ANKRD26: variants seen among roughly 807,000 people sequenced by gnomAD.
ANKRD26 encodes ankyrin repeat domain 26.
In ANKRD26, 141 loss-of-function variants were observed where a neutral mutation model predicts 208.7. The ratio of observed to expected loss-of-function variants is 0.68; its 90% confidence interval spans 0.59 to 0.78. The LOEUF is 0.78. Ranked by LOEUF, ANKRD26 falls within the 30% of genes least tolerant of loss-of-function variation. The pLI is 0.00. For missense variants in ANKRD26, 1,889 were observed against 1,938.7 expected (o/e 0.97, Z 0.48); for synonymous variants, 636 against 660.4 (o/e 0.96, Z 0.57).
chr10:27,078,129 T>C (rs2055766318), intron 7 of ANKRD26, among the ~76,000 whole-genome samples: 1 of 152,214 alleles, frequency 6.6e-6, no homozygotes, highest in Admixed American at 6.5e-5. Context: ...TGTGAGCATT[T>C]TGTTCTTAGT....
chr10:27,093,702 T>A lies in ANKRD26; in HGVS notation c.340A>T (p.Arg114Trp), dbSNP rs762754151. The A allele has an allele frequency of 1.2e-6, 2 of 1,614,168 alleles. No homozygotes were observed. The highest frequency in any genetic ancestry group is 1.7e-6 in the Non-Finnish European group (2 of 1,179,958). Residue 114 changes from arginine (R) to tryptophan (W), a missense_variant, in exon 2 of 34, where the codon AGG (arginine) becomes TGG (tryptophan). Coordinates refer to ENST00000376087, the MANE Select transcript of ANKRD26 (RefSeq NM_014915.3). ...CTATATACCTTCATCAGAGCTGTCC[T>A]GTTTTCGTTGTCACAGACATTGAGC... ...CQLNVCDNEN[R>W]TALMKAVQCQ...
chr10:26,955,432 A>ATAT, the ANKRD26 span, among the ~76,000 whole-genome samples: 3 of 151,986 alleles, frequency 2.0e-5, no homozygotes, highest in African/African-American at 7.3e-5. Flanking sequence ...CCATCTCAAA[A>ATAT]AAAAAAATAT....
In ANKRD26 at chr10:27,063,971, T is replaced by G; in HGVS notation, c.1363+17A>C. 2 of 1,582,538 alleles carry G rather than the reference T, an allele frequency of 1.3e-6. No individual in the cohort carries two copies. The highest frequency in any genetic ancestry group is 1.7e-6 in the Non-Finnish European group (2 of 1,155,424). Reference sequence around the variant, plus strand: ...ACTCTGTCCAATGGCTTTTTAAAAATGAAATATAGCTCTTACCTTCTGCTT... The same window carrying G: ...ACTCTGTCCAATGGCTTTTTAAAAAGGAAATATAGCTCTTACCTTCTGCTT... On this transcript the variant is annotated intron_variant, in intron 12 of 33. Transcript: ENST00000376087.
chr10:26,957,983 CA>C, the ANKRD26 span, among the ~76,000 whole-genome samples: 1 of 151,746 alleles, frequency 6.6e-6, no homozygotes, highest in African/African-American at 2.4e-5. Context: ...CTTTTAAGTT[CA>C]GGGGTACCGG....
chr10:27,048,321 A>G (rs1220722682), intron 17 of ANKRD26, among the ~76,000 whole-genome samples: 1 of 152,228 alleles, frequency 6.6e-6, no homozygotes, highest in Non-Finnish European at 1.5e-5. Flanking sequence ...TCCTTAAAAT[A>G]CATACATTAT....
chr10:27,080,887 C>T, intron 6 of ANKRD26: 1 of 985,400 alleles, frequency 1.0e-6, no homozygotes, highest in Non-Finnish European at 1.2e-6. Flanking sequence ...TAATCCTACC[C>T]CTGCCCTACC....
downstream of ANKRD26, among the ~76,000 whole-genome samples, chr10:26,990,312 G>A (rs1265835146): frequency 6.6e-6 from 1 of 152,152 alleles, no homozygotes; most frequent in African/African-American, 2.4e-5. Flanking sequence ...GGGCTTTGGC[G>A]AACTTAGAGG....
chr10:26,961,640 T>TC, the ANKRD26 span, among the ~76,000 whole-genome samples: 1 of 152,076 alleles, frequency 6.6e-6, no homozygotes. Flanking sequence ...GCCCAGGAGT[T>TC]CAAGAACAGC....
At chr10:27,073,897 T>C (rs2055594760) in intron 9 of ANKRD26, among the ~76,000 whole-genome samples, 1 of 152,120 alleles carries the variant, frequency 6.6e-6, no homozygotes, top group South Asian at 2.1e-4. Context: ...AAAGATTCTC[T>C]GTAACGAAGG....
the ANKRD26 span, among the ~76,000 whole-genome samples, chr10:26,958,073 T>TTATATATATA: frequency 2.6e-3 from 373 of 144,204 alleles, 2 homozygotes; most frequent in African/African-American, 5.5e-3. Flanking sequence ...TCACCCAGTT[T>TTATATATATA]TATATATATA....
intron 9 of ANKRD26, among the ~76,000 whole-genome samples, 159 bp from the exon 10 acceptor site, chr10:27,067,445 T>G (rs1387796152): frequency 6.6e-6 from 1 of 151,868 alleles, no homozygotes; most frequent in Non-Finnish European, 1.5e-5. Flanking sequence ...AAGAAACACC[T>G]GACGGGGTAA....
At chr10:26,997,641 G>A (rs2052622598) in intron 4 of ANKRD26, among the ~76,000 whole-genome samples, 1 of 152,196 alleles carries the variant, frequency 6.6e-6, no homozygotes, top group African/African-American at 2.4e-5. Flanking sequence ...GAGAAGCTGA[G>A]GCAGGGCTTG....
At chr10:27,034,114 TAAATACCACTGG>T in intron 24 of ANKRD26, among the ~76,000 whole-genome samples, 1 of 152,230 alleles carries the variant, frequency 6.6e-6, no homozygotes, top group Non-Finnish European at 1.5e-5. Flanking sequence ...AAGTAAATTA[TAAATACCACTGG>T]GGAGATTAAG....
chr10:27,093,596 T>C (rs765288656), intron 2 of ANKRD26, 74 bp from the exon 3 acceptor site: 139 of 1,596,504 alleles, frequency 8.7e-5, no homozygotes, highest in Non-Finnish European at 1.1e-4. Flanking sequence ...GTTTCACCAA[T>C]TAGTTATATT....
In ANKRD26 at chr10:27,035,201, C is replaced by T. The variant is rs772461435; in HGVS notation, c.3249G>A (p.Thr1083=). Residue 1083 remains threonine, a synonymous_variant, in exon 24 of 34, where the codon ACG becomes ACA. Coordinates refer to ENST00000376087, the MANE Select transcript of ANKRD26 (RefSeq NM_014915.3). ...LNSLEIEFHH[T]RDALREKTLG... ...AAGTCTTTTCTCTGAGGGCATCTCT[C>T]GTGTGATGGAACTCAATTTCTAGGC... The T allele has an allele frequency of 7.4e-6, 12 of 1,613,972 alleles. No homozygotes were observed. The highest frequency in any genetic ancestry group is 6.7e-5 in the Admixed American group (4 of 60,000).
chr10:27,010,879 C>A (rs2053078638), intron 32 of ANKRD26, among the ~76,000 whole-genome samples: 1 of 152,120 alleles, frequency 6.6e-6, no homozygotes, highest in Non-Finnish European at 1.5e-5. Context: ...AGCATTTAGA[C>A]CCTGATCATC....
At position 27,022,718 on chromosome 10, in the gene ANKRD26, G is replaced by C. The variant is rs772169184; in HGVS notation, c.4086-31C>G. On this transcript the variant is annotated intron_variant, in intron 28 of 33. Coordinates refer to ENST00000376087, the MANE Select transcript of ANKRD26 (RefSeq NM_014915.3). ...GGAAGGTACAAAATGAGTAACTCAA[G>C]TTTTAAAAAGGCAAACATTTAATAA... The C allele has an allele frequency of 1.9e-6, 3 of 1,556,326 alleles. No individual in the cohort carries two copies. The East Asian group carries it at 7.0e-5, about 36-fold the overall frequency.
At chr10:27,057,861 T>C (rs1288039455) in intron 15 of ANKRD26, among the ~76,000 whole-genome samples, 6 of 149,920 alleles carry the variant, frequency 4.0e-5, no homozygotes, top group African/African-American at 1.2e-4. Context: ...CGCTTGAACC[T>C]AGGAGGCAGA....
At position 26,998,140 on chromosome 10, in the gene ANKRD26, G is replaced by C. The variant is rs56112729; in HGVS notation, c.563-2993C>G. Among the ~76,000 whole-genome samples, 391 of 152,160 alleles carry C rather than the reference G, an allele frequency of 2.6e-3. 2 individuals are homozygous for C. Among genetic ancestry groups the C allele is most frequent in the African/African-American group, 8.9e-3 (371 of 41,522 alleles). ...TCCTGGCCATGACCCAATTTACTAGGGTGGCTAAATCGTCATCTGGTCTGT... is the reference window on the plus strand; with the variant it reads ...TCCTGGCCATGACCCAATTTACTAGCGTGGCTAAATCGTCATCTGGTCTGT... On this transcript the variant is annotated intron_variant, in intron 4 of 5. Coordinates refer to the ANKRD26 transcript ENST00000445828.
Sources: allele counts gnomAD v4.1 joint callset (sites outside exome capture counted in the v4.1 genomes callset), GRCh38; gene constraint gnomAD v4.1.1; transcripts MANE v1.5; gene names NCBI Gene and HGNC (gene_info 2026-07-23, HGNC 2026-07-21).